KIF6: variants seen among roughly 807,000 people sequenced by gnomAD.
KIF6 encodes kinesin-like protein KIF6.
A neutral mutation model predicts 112.7 loss-of-function variants in KIF6; 106 were observed. The observed-to-expected ratio is 0.94, with a 90% CI of 0.80 to 1.11. The LOEUF is 1.11. KIF6 is among the 50% of genes least tolerant of loss of function. KIF6 has a pLI of 0.00. For synonymous variants in KIF6, 339 were observed against 339.9 expected (o/e 1.00, Z 0.03); for missense variants, 929 against 964.0 (o/e 0.96, Z 0.48).
At position 39,584,978 on chromosome 6, in the gene KIF6, T is replaced by G; in HGVS notation, c.997A>C (p.Ile333Leu). ...CGCTGTGCAAATCTGCAGGTTGATA[T>G]AGACTCCTAAGAAAGCAAAGTAACT... ...SLEKRNLDES[I>L]STCRFAQRVA... The change falls in exon 9 of 23, where the codon ATA becomes CTA. Residue 333 changes from isoleucine to leucine, a missense_variant. Ile to Leu is a conservative substitution (Grantham distance 5, BLOSUM62 2). Transcript: ENST00000287152. The G allele has an allele frequency of 6.3e-7, 1 of 1,594,340 alleles. No individual in the cohort carries two copies. Among genetic ancestry groups the G allele is most frequent in the African/African-American group, 1.3e-5 (1 of 74,696 alleles).
In KIF6 at chr6:39,701,209, A is replaced by T. The variant is rs145418608; in HGVS notation, c.251+13483T>A. ...AAAAGTTTCTGTTCAGACACTCAGGACAAAGAGATTGGCTCTGGTACCTAT... is the reference window on the plus strand; with the variant it reads ...AAAAGTTTCTGTTCAGACACTCAGGTCAAAGAGATTGGCTCTGGTACCTAT... On this transcript the variant is annotated intron_variant, in intron 3 of 22. Transcript: ENST00000287152. Among the ~76,000 whole-genome samples, 1,323 of 152,342 alleles carry T rather than the reference A, an allele frequency of 8.7e-3. 20 individuals carry two copies. The highest frequency in any genetic ancestry group is 0.03 in the African/African-American group (1,259 of 41,574).
chr6:39,592,463 A>G (rs977112316), intron 7 of KIF6, among the ~76,000 whole-genome samples: 4 of 152,312 alleles, frequency 2.6e-5, no homozygotes, highest in Admixed American at 2.6e-4. Flanking sequence ...AATGGAAACT[A>G]AAACTCTGAG....
At chr6:39,709,592 A>G (rs1269667493) in intron 3 of KIF6, among the ~76,000 whole-genome samples, 1 of 152,192 alleles carries the variant, frequency 6.6e-6, no homozygotes, top group Non-Finnish European at 1.5e-5. Context: ...CATGCACATA[A>G]TATCACTGGT....
chr6:39,677,043 A>G (rs1787185040), intron 3 of KIF6, among the ~76,000 whole-genome samples: 1 of 152,108 alleles, frequency 6.6e-6, no homozygotes, highest in Non-Finnish European at 1.5e-5. Context: ...TATCCCACTT[A>G]GTGTAAAGAT....
At chr6:39,709,881 T>C (rs184167772) in intron 3 of KIF6, among the ~76,000 whole-genome samples, 73 of 152,180 alleles carry the variant, frequency 4.8e-4, no homozygotes, top group Admixed American at 9.1e-4. Flanking sequence ...TGCCAAATTA[T>C]GTAATTCTTA....
chr6:39,356,891 G>C (rs1764734794), intron 19 of KIF6, among the ~76,000 whole-genome samples: 1 of 152,154 alleles, frequency 6.6e-6, no homozygotes, highest in Admixed American at 6.5e-5. Context: ...GAGCTCCCCT[G>C]TGTCTCAGTA....
chr6:39,484,056 G>A (rs1462814234), intron 13 of KIF6, among the ~76,000 whole-genome samples: 2 of 152,156 alleles, frequency 1.3e-5, no homozygotes, highest in East Asian at 3.9e-4. Context: ...AGACAAAGCA[G>A]TGCTGTGAGA....
intron 15 of KIF6, among the ~76,000 whole-genome samples, chr6:39,418,970 C>G (rs1003904415): frequency 6.6e-6 from 1 of 151,898 alleles, no homozygotes; most frequent in Non-Finnish European, 1.5e-5. Flanking sequence ...GCACAGGGAT[C>G]GCCTCTGTGA....
intron 13 of KIF6, among the ~76,000 whole-genome samples, chr6:39,482,325 T>C (rs994939074): frequency 2.6e-5 from 4 of 152,188 alleles, no homozygotes; most frequent in African/African-American, 7.2e-5. Flanking sequence ...AAATTCTTGC[T>C]ATTACTACCA....
chr6:39,650,656 T>C (rs543133429), intron 3 of KIF6, among the ~76,000 whole-genome samples: 2 of 152,086 alleles, frequency 1.3e-5, no homozygotes, highest in Non-Finnish European at 2.9e-5. Flanking sequence ...TATATAATCA[T>C]TTTCAGATAA....
chr6:39,331,243 C>T lies in KIF6; in HGVS notation c.*5289G>A, dbSNP rs923239049. 6.6e-6 allele frequency: 1 copy of T among 152,418 alleles called. No individual in the cohort carries two copies. The highest frequency in any genetic ancestry group is 1.5e-5 in the Non-Finnish European group (1 of 68,214). The allele number at this position is 152,418 out of a possible 1,614,324, so 9.4% of individuals were successfully genotyped here. ...AGTGCAGTGGTGTGATCACAGCTCACTGCAGCCTTAACCTCCTGGGTTCAA... is the reference window on the plus strand; with the variant it reads ...AGTGCAGTGGTGTGATCACAGCTCATTGCAGCCTTAACCTCCTGGGTTCAA... On this transcript the variant is annotated 3_prime_UTR_variant, in exon 23 of 23. Transcript: ENST00000287152.
intron 15 of KIF6, among the ~76,000 whole-genome samples, chr6:39,393,205 G>C (rs932727186): frequency 9.8e-5 from 15 of 152,290 alleles, no homozygotes; most frequent in African/African-American, 3.4e-4. Flanking sequence ...AGAAGACAAA[G>C]AGCATTTACC....
intron 13 of KIF6, among the ~76,000 whole-genome samples, chr6:39,484,680 T>C (rs1466548194): frequency 6.6e-6 from 1 of 152,238 alleles, no homozygotes; most frequent in Non-Finnish European, 1.5e-5. Flanking sequence ...GCAATATTAC[T>C]GTAGTTAAGC....
At chr6:39,418,047 T>A (rs886654664) in intron 15 of KIF6, among the ~76,000 whole-genome samples, 1 of 80,716 alleles carries the variant, frequency 1.2e-5, no homozygotes, top group African/African-American at 3.4e-5. Context: ...CTGCCCACTG[T>A]CTGGGACTGG....
rs59565034 is a variant in KIF6 at position 39,402,030 on chromosome 6, T to C, written c.1811-16358A>G. On this transcript the variant is annotated intron_variant, in intron 15 of 22. Transcript: ENST00000287152. ...AGGAGTAACTGTAGCAGCCCTTGGTTTTCTATGGACCCTATTTTAATAGAA... is the reference window on the plus strand; with the variant it reads ...AGGAGTAACTGTAGCAGCCCTTGGTCTTCTATGGACCCTATTTTAATAGAA... Among the ~76,000 whole-genome samples the C allele has an allele frequency of 6.7e-3, 1,025 of 152,174 alleles. 10 individuals are homozygous for C. The highest frequency in any genetic ancestry group is 0.024 in the African/African-American group (977 of 41,506).
intron 13 of KIF6, among the ~76,000 whole-genome samples, chr6:39,477,848 C>G (rs1774528073): frequency 6.6e-6 from 1 of 151,810 alleles, no homozygotes; most frequent in Non-Finnish European, 1.5e-5. Flanking sequence ...GTGACAGAGC[C>G]AGACTCTGTC....
intron 19 of KIF6, among the ~76,000 whole-genome samples, chr6:39,350,287 C>T (rs1374080038): frequency 6.6e-6 from 1 of 152,090 alleles, no homozygotes; most frequent in African/African-American, 2.4e-5. Flanking sequence ...TAAATGCCAA[C>T]ACCTACTAGA....
intron 13 of KIF6, among the ~76,000 whole-genome samples, chr6:39,448,476 A>G (rs1046757245): frequency 6.6e-6 from 1 of 152,078 alleles, no homozygotes; most frequent in Non-Finnish European, 1.5e-5. Context: ...TGCCCGGCCA[A>G]AATATGTTGT....
intron 13 of KIF6, among the ~76,000 whole-genome samples, chr6:39,487,990 C>CATCTATCTATCTATCTGTCTATCTATCT: frequency 1.3e-5 from 2 of 150,986 alleles, no homozygotes; most frequent in South Asian, 4.2e-4. Context: ...CATTTATAGG[C>CATCTATCTATCTATCTGTCTATCTATCT]ATCTATCTAT....
Sources: allele counts gnomAD v4.1 joint callset (sites outside exome capture counted in the v4.1 genomes callset), GRCh38; gene constraint gnomAD v4.1.1; transcripts MANE v1.5; gene names NCBI Gene and HGNC (gene_info 2026-07-23, HGNC 2026-07-21).